Variants in FRMD8 observed in about 807,000 individuals in gnomAD.
FRMD8 encodes FERM domain containing 8.
In FRMD8, 37 loss-of-function variants were observed where a neutral mutation model predicts 54.2. The observed-to-expected ratio is 0.68, with a 90% CI of 0.53 to 0.90. The LOEUF (loss-of-function observed/expected upper bound fraction) is 0.90. FRMD8 is among the 40% of genes least tolerant of loss of function. FRMD8 has a pLI of 0.00. For missense variants in FRMD8, 585 were observed against 653.7 expected (o/e 0.89, Z 1.15); for synonymous variants, 246 against 286.9 (o/e 0.86, Z 1.44).
At chr11:65,374,829 C>T in the FRMD8 span, among the ~76,000 whole-genome samples, 8 of 151,824 alleles carry the variant, frequency 5.3e-5, no homozygotes, top group African/African-American at 1.7e-4. Context: ...TAGCCAGGTG[C>T]GGTGGCACAC....
At chr11:65,407,120 G>C (rs915477846) in intron 10 of FRMD8, among the ~76,000 whole-genome samples, 1 of 152,036 alleles carries the variant, frequency 6.6e-6, no homozygotes, top group Non-Finnish European at 1.5e-5. Context: ...TGCTGTCATC[G>C]GGAGAAGTTG....
chr11:65,375,078 A>G, the FRMD8 span: 4 of 152,252 alleles, frequency 2.6e-5, no homozygotes, highest in African/African-American at 9.6e-5. Context: ...GGTGACCTCG[A>G]GAAGGGTCAG....
At chr11:65,370,930 A>G in the FRMD8 span, among the ~76,000 whole-genome samples, 1 of 152,132 alleles carries the variant, frequency 6.6e-6, no homozygotes, top group African/African-American at 2.4e-5. Context: ...GAAATCTTTC[A>G]AAGGGTTAAG....
chr11:65,397,486 G>T (rs1855982073), intron 7 of FRMD8, among the ~76,000 whole-genome samples: 1 of 152,260 alleles, frequency 6.6e-6, no homozygotes, highest in African/African-American at 2.4e-5. Context: ...GCAGCCAGGA[G>T]ACCAGAGGAT....
the FRMD8 span, among the ~76,000 whole-genome samples, chr11:65,371,244 G>T: frequency 6.6e-6 from 1 of 152,124 alleles, no homozygotes; most frequent in African/African-American, 2.4e-5. Context: ...CCCTTTCCCT[G>T]CGCATGTAGC....
At chr11:65,368,282 G>C in the FRMD8 span, among the ~76,000 whole-genome samples, 1 of 151,824 alleles carries the variant, frequency 6.6e-6, no homozygotes, top group Non-Finnish European at 1.5e-5. Flanking sequence ...CACTCTGTTG[G>C]CCGGGCTGGT....
chr11:65,411,151 C>A, intron 10 of FRMD8, 91 bp from the exon 11 acceptor site: 1 of 1,057,364 alleles, frequency 9.5e-7, no homozygotes, highest in Non-Finnish European at 1.4e-6. Context: ...AAGGAGCCGT[C>A]GCGCTGGAGC....
intron 10 of FRMD8, among the ~76,000 whole-genome samples, chr11:65,407,921 A>C (rs1238824094): frequency 1.3e-5 from 2 of 150,570 alleles, no homozygotes; most frequent in East Asian, 3.9e-4. Context: ...ACAGGACAGC[A>C]TGTGTGCAGC....
Position 65,411,296 on chromosome 11 carries a change from A to G in FRMD8, c.1331A>G (p.Gln444Arg). 1 of 1,609,736 alleles carries G rather than the reference A, an allele frequency of 6.2e-7. No homozygotes were observed. Among genetic ancestry groups the G allele is most frequent in the Non-Finnish European group, 8.5e-7 (1 of 1,179,292 alleles). The change falls in exon 11 of 11, where the codon CAG (glutamine) becomes CGG (arginine). Residue 444 changes from glutamine to arginine, a missense_variant. By Grantham distance (43) the Gln-to-Arg change is conservative. Transcript: ENST00000317568. ...PKRTTSFFSR[Q>R]LSLGQGSYTV... ...CGCACCACATCCTTCTTCAGCCGGC[A>G]GCTGTCCTTGGGCCAGGGGAGCTAC...
chr11:65,386,771 C>T lies in FRMD8; in HGVS notation c.-1+10C>T, dbSNP rs1855740101. ...TCTGCGACCCTGCGAGGTGAGAGCA[C>T]AGCGACGTCTGGCCCGGGCCTCCGT... On this transcript the variant is annotated intron_variant, in intron 1 of 10. Transcript: ENST00000317568. 2 of 527,872 alleles carry T rather than the reference C, an allele frequency of 3.8e-6. No individual in the cohort carries two copies. The highest frequency in any genetic ancestry group is 3.3e-5 in the East Asian group (1 of 30,434). 32.7% of individuals were successfully genotyped at this position (527,872 alleles called of 1,614,324 possible).
At chr11:65,390,588 G>A (rs1449996454) in intron 3 of FRMD8, among the ~76,000 whole-genome samples, 1 of 149,002 alleles carries the variant, frequency 6.7e-6, no homozygotes, top group East Asian at 2.0e-4. Context: ...GGAGCTTCCT[G>A]CTCAGCTGCT....
chr11:65,407,141 C>T (rs1252379067), intron 10 of FRMD8, among the ~76,000 whole-genome samples: 1 of 152,050 alleles, frequency 6.6e-6, no homozygotes, highest in East Asian at 1.9e-4. Context: ...TGGCGGTATT[C>T]TGGAACTCTC....
At chr11:65,386,131 G>C (rs894816826), upstream of FRMD8, among the ~76,000 whole-genome samples, 2 of 152,184 alleles carry the variant, frequency 1.3e-5, no homozygotes, top group African/African-American at 2.4e-5. Context: ...TTAGAGAGTA[G>C]GGATAGTCCT....
chr11:65,393,775 C>G, intron 4 of FRMD8, 101 bp downstream of exon 4: 1 of 1,036,080 alleles, frequency 9.7e-7, no homozygotes, highest in Non-Finnish European at 1.4e-6. Flanking sequence ...GCTGCCCTGG[C>G]TGAGGGGCAG....
At chr11:65,379,291 T>TG in the FRMD8 span, 3 of 1,505,190 alleles carry the variant, frequency 2.0e-6, no homozygotes, top group Non-Finnish European at 2.7e-6. Context: ...TCCACAGCTG[T>TG]GGGTCGCCAG....
At chr11:65,376,127 C>G in the FRMD8 span, 11 of 537,100 alleles carry the variant, frequency 2.0e-5, no homozygotes, top group East Asian at 3.4e-4. Context: ...TGGGATGTCA[C>G]CAGCACCACT....
At chr11:65,390,227 C>T (rs1855816561) in intron 3 of FRMD8, among the ~76,000 whole-genome samples, 2 of 152,102 alleles carry the variant, frequency 1.3e-5, no homozygotes. Flanking sequence ...GACTTAAGGG[C>T]GGTGGCTCTC....
At position 65,400,172 on chromosome 11, in the gene FRMD8, C is replaced by G. The variant is rs988310855; in HGVS notation, c.927+313C>G. Among the ~76,000 whole-genome samples the G allele has an allele frequency of 6.6e-6, 1 of 152,170 alleles. No homozygotes were observed. The highest frequency in any genetic ancestry group is 1.5e-5 in the Non-Finnish European group (1 of 68,012). On this transcript the variant is annotated intron_variant, in intron 8 of 10. Coordinates refer to ENST00000317568, the MANE Select transcript of FRMD8 (RefSeq NM_031904.5). This position sits in a 1 kb window ranked among gnomAD's most constrained non-coding sequence, Gnocchi z 4.3. The stretch of plus-strand genomic sequence containing the variant: ...AGAACAGCCTGATGCTCCAGAAGAC[C>G]CCGCGACGGGAGCCCTCTTGGGCTG...
chr11:65,371,251 T>C, the FRMD8 span, among the ~76,000 whole-genome samples: 2 of 152,074 alleles, frequency 1.3e-5, no homozygotes, highest in Admixed American at 6.6e-5. Flanking sequence ...CCTGCGCATG[T>C]AGCTTTCCCC....
Sources: allele counts gnomAD v4.1 joint callset (sites outside exome capture counted in the v4.1 genomes callset), GRCh38; gene constraint gnomAD v4.1.1; non-coding constraint Gnocchi (gnomAD v3.1); transcripts MANE v1.5; gene names NCBI Gene and HGNC (gene_info 2026-07-23, HGNC 2026-07-21).